The following SMURF1 variants were observed in gnomAD, a reference collection of about 807,000 sequenced individuals.
SMURF1 encodes the protein E3 ubiquitin-protein ligase SMURF1.
SMURF1 carries 44 observed loss-of-function variants against 98.0 expected under a neutral mutation model. The ratio of observed to expected loss-of-function variants is 0.45; its 90% CI spans 0.35 to 0.58. The LOEUF is 0.58. Ranked by LOEUF, SMURF1 falls within the 20% of genes least tolerant of loss-of-function variation. The pLI is 0.00. For synonymous variants in SMURF1, 396 were observed against 374.9 expected, an observed-to-expected ratio of 1.06 and a Z score of -0.65; for missense variants, 687 against 938.4, an observed-to-expected ratio of 0.73 and a Z score of 3.50.
At chr7:99,084,648 G>A (rs541218087) in intron 1 of SMURF1, among the ~76,000 whole-genome samples, 4 of 152,214 alleles carry the variant, frequency 2.6e-5, no homozygotes, top group South Asian at 2.1e-4. Context: ...CTCCCAAAGT[G>A]CTGGAATTAC....
At chr7:99,133,146 G>C (rs887721807) in intron 1 of SMURF1, among the ~76,000 whole-genome samples, 1 of 152,190 alleles carries the variant, frequency 6.6e-6, no homozygotes, top group Non-Finnish European at 1.5e-5. Context: ...CGCGGAGCTA[G>C]TGAAATCTGA....
intron 1 of SMURF1, among the ~76,000 whole-genome samples, chr7:99,091,167 A>G (rs1457786094): frequency 6.6e-6 from 1 of 152,242 alleles, no homozygotes; most frequent in South Asian, 2.1e-4. Context: ...ACATAAAATC[A>G]GTGGACTGAC....
chr7:99,071,488 T>TCCC (rs1179873345), intron 1 of SMURF1, among the ~76,000 whole-genome samples: 1 of 152,194 alleles, frequency 6.6e-6, no homozygotes, highest in African/African-American at 2.4e-5. Flanking sequence ...TAACTGGGGA[T>TCCC]CACTCTCTAT....
At chr7:99,135,537 C>CAAT (rs1180897759) in intron 1 of SMURF1, among the ~76,000 whole-genome samples, 1 of 152,200 alleles carries the variant, frequency 6.6e-6, no homozygotes, top group Non-Finnish European at 1.5e-5. Flanking sequence ...TCCCCCCACT[C>CAAT]AATAATATAT....
intron 1 of SMURF1, among the ~76,000 whole-genome samples, chr7:99,115,669 C>G (rs1056945634): frequency 3.3e-5 from 5 of 151,854 alleles, no homozygotes; most frequent in Admixed American, 6.6e-5. Context: ...ATTAGGTAAC[C>G]CAGATGAAAT....
chr7:99,045,531 A>G (rs370008625), intron 11 of SMURF1, 167 bp downstream of exon 11: 51 of 572,766 alleles, frequency 8.9e-5, no homozygotes, highest in African/African-American at 2.1e-4. Flanking sequence ...AGGAATTCCT[A>G]TTCTCCGCAG....
intron 1 of SMURF1, among the ~76,000 whole-genome samples, chr7:99,095,417 T>C (rs1796935876): frequency 6.6e-6 from 1 of 152,168 alleles, no homozygotes; most frequent in Non-Finnish European, 1.5e-5. Context: ...TTTAGCAACA[T>C]CCAGCCACAC....
chr7:99,143,966 C>A lies in SMURF1; in HGVS notation c.-186G>T. 9.1e-6 allele frequency: 4 copies of A among 438,088 alleles called. No homozygotes were observed. Among genetic ancestry groups the A allele is most frequent in the Non-Finnish European group, 1.6e-5 (4 of 257,188 alleles). The allele number at this position is 438,088 out of a possible 1,614,324, so 27.1% of individuals were successfully genotyped here. On this transcript the variant is annotated 5_prime_UTR_variant, in exon 1 of 18. Coordinates refer to ENST00000361368, the MANE Select transcript of SMURF1 (RefSeq NM_181349.3). Reference sequence around the variant, plus strand: ...GGATGGTCGAGCCGGGAGATCGGCGCTTGCTGCGGCGCTCTGACCCTCGCT... The same window carrying A: ...GGATGGTCGAGCCGGGAGATCGGCGATTGCTGCGGCGCTCTGACCCTCGCT...
chr7:99,120,131 C>T (rs866399495), intron 1 of SMURF1, among the ~76,000 whole-genome samples: 8 of 152,168 alleles, frequency 5.3e-5, no homozygotes, highest in Middle Eastern at 3.2e-3. Context: ...CTCACCCCTT[C>T]CCTCACCATG....
chr7:99,098,269 T>G (rs2150586283), intron 1 of SMURF1, among the ~76,000 whole-genome samples: 1 of 152,272 alleles, frequency 6.6e-6, no homozygotes, highest in African/African-American at 2.4e-5. Flanking sequence ...GAAACTGAGA[T>G]GGAAGCAGGG....
intron 1 of SMURF1, among the ~76,000 whole-genome samples, chr7:99,070,074 C>T (rs1796283077): frequency 6.6e-6 from 1 of 152,218 alleles, no homozygotes; most frequent in African/African-American, 2.4e-5. Context: ...TCATCTTCTA[C>T]AATTGCACTA....
intron 1 of SMURF1, among the ~76,000 whole-genome samples, chr7:99,068,137 T>G (rs1274766344): frequency 4.6e-5 from 7 of 152,246 alleles, no homozygotes; most frequent in Non-Finnish European, 2.9e-5. Context: ...TTTCTGTGTC[T>G]CCAAGTCCTA....
intron 1 of SMURF1, among the ~76,000 whole-genome samples, chr7:99,063,862 G>A (rs1796126376): frequency 1.3e-5 from 2 of 150,586 alleles, no homozygotes; most frequent in African/African-American, 2.4e-5. Flanking sequence ...CTGCAGCCTC[G>A]AACTCCTGGG....
intron 1 of SMURF1, among the ~76,000 whole-genome samples, chr7:99,080,035 A>T (rs1796547766): frequency 6.6e-6 from 1 of 152,246 alleles, no homozygotes; most frequent in African/African-American, 2.4e-5. Context: ...AGTAAGCTCA[A>T]GAAAAAGAAA....
chr7:99,041,972 G>A (rs1795403343), intron 12 of SMURF1, 146 bp downstream of exon 12: 3 of 675,660 alleles, frequency 4.4e-6, no homozygotes, highest in Non-Finnish European at 2.6e-6. Flanking sequence ...TCTTAATTCA[G>A]TTTTCACTTT....
rs1266096443 is a variant in SMURF1 at position 99,121,244 on chromosome 7, A to T, written c.55+22482T>A. Reference sequence around the variant, plus strand: ...TCAAAGCAAAAAAAAAAAAAAAAAAAAAATAGTGTGAGTTGAGATTAATGA... The same window carrying T: ...TCAAAGCAAAAAAAAAAAAAAAAAATAAATAGTGTGAGTTGAGATTAATGA... On this transcript the variant is annotated intron_variant, in intron 1 of 17. Transcript: ENST00000361368. 5.9e-5 allele frequency: 8 copies of T among 134,866 alleles called. No homozygotes were observed. The East Asian group carries it at 1.6e-3, about 27-fold the overall frequency. The allele number at this position is 134,866 out of a possible 1,614,324, so 8.4% of individuals were successfully genotyped here. A position where few individuals can be genotyped will look rare whatever the true frequency, so the allele number is the denominator to read the frequency against.
chr7:99,113,243 T>C (rs10953278), intron 1 of SMURF1, among the ~76,000 whole-genome samples: 115,693 of 152,106 alleles, frequency 0.76, 46,917 homozygotes, highest in South Asian at 0.93. Flanking sequence ...AATTGTTATA[T>C]GACAAAGACA....
At chr7:99,123,655 C>T (rs1797690722) in intron 1 of SMURF1, among the ~76,000 whole-genome samples, 1 of 152,162 alleles carries the variant, frequency 6.6e-6, no homozygotes, top group South Asian at 2.1e-4. Flanking sequence ...ATAAAGCTTG[C>T]ATCACTTCCC....
intron 1 of SMURF1, among the ~76,000 whole-genome samples, chr7:99,075,128 ATTATT>A (rs1796422559): frequency 1.3e-5 from 2 of 152,076 alleles, no homozygotes; most frequent in African/African-American, 4.8e-5. Flanking sequence ...GCAAATTATT[ATTATT>A]TTGAGACAGG....
Sources: gnomAD v4.1 joint callset for allele counts (sites outside exome capture counted in the v4.1 genomes callset) on GRCh38, gnomAD v4.1.1 for gene constraint, MANE v1.5 for transcripts, NCBI Gene and HGNC (gene_info 2026-07-23, HGNC 2026-07-21) for gene names.